Variants in CNBD1 observed in about 807,000 individuals in gnomAD.
The protein encoded by CNBD1 is cyclic nucleotide-binding domain-containing protein 1.
A neutral mutation model predicts 54.4 loss-of-function variants in CNBD1; 71 were observed. That is an observed-to-expected ratio of 1.30 (90% CI 1.08 to 1.59). CNBD1 has a LOEUF of 1.59. Ranked by LOEUF, CNBD1 falls within the 40% of genes most tolerant of loss-of-function variation. The pLI is 0.00. For synonymous variants in CNBD1, 182 were observed against 170.7 expected (o/e 1.07, Z -0.51); for missense variants, 659 against 518.0 (o/e 1.27, Z -2.64).
At chr8:87,093,287 T>A (rs1811254652) in intron 4 of CNBD1, among the ~76,000 whole-genome samples, 1 of 152,158 alleles carries the variant, frequency 6.6e-6, no homozygotes, top group Admixed American at 6.5e-5. Flanking sequence ...AGAATGGAAA[T>A]GCTGATGAAC....
intron 1 of CNBD1, among the ~76,000 whole-genome samples, chr8:86,877,750 A>T (rs1808545659): frequency 6.6e-6 from 1 of 152,092 alleles, no homozygotes; most frequent in Non-Finnish European, 1.5e-5. Flanking sequence ...TAAGAAAAGT[A>T]TTATTGCATT....
chr8:87,276,426 G>A (rs949145744), intron 6 of CNBD1, among the ~76,000 whole-genome samples: 5 of 151,904 alleles, frequency 3.3e-5, no homozygotes, highest in Non-Finnish European at 5.9e-5. Flanking sequence ...ATGAGAAAAG[G>A]CTTGGATGCC....
intron 4 of CNBD1, among the ~76,000 whole-genome samples, chr8:86,968,596 T>C (rs1808146881): frequency 1.3e-5 from 2 of 152,294 alleles, no homozygotes; most frequent in South Asian, 4.1e-4. Context: ...TTTGAAGGCC[T>C]CAGTATTCAA....
At chr8:87,132,547 T>C (rs1339145960) in intron 4 of CNBD1, among the ~76,000 whole-genome samples, 1 of 149,974 alleles carries the variant, frequency 6.7e-6, no homozygotes, top group Non-Finnish European at 1.5e-5. Context: ...CTTAAAACTG[T>C]GAATTATGTC....
At chr8:87,383,201 G>A (rs1296622754), downstream of CNBD1, among the ~76,000 whole-genome samples, 2 of 151,920 alleles carry the variant, frequency 1.3e-5, no homozygotes, top group African/African-American at 2.4e-5. Context: ...ATTATATTAT[G>A]GAGAATATCA....
chr8:86,914,309 A>G (rs968756504), intron 3 of CNBD1, among the ~76,000 whole-genome samples: 3 of 152,210 alleles, frequency 2.0e-5, no homozygotes, highest in Admixed American at 6.5e-5. Flanking sequence ...TTCTTCTGCC[A>G]TGGCTTCAGC....
chr8:87,340,131 C>T (rs946933652), intron 8 of CNBD1, among the ~76,000 whole-genome samples: 4 of 152,120 alleles, frequency 2.6e-5, no homozygotes, highest in South Asian at 2.1e-4. Context: ...TTTTCATTTT[C>T]GAAGGATAGT....
chr8:87,268,460 A>G (rs1021570815), intron 6 of CNBD1, among the ~76,000 whole-genome samples: 13 of 152,204 alleles, frequency 8.5e-5, no homozygotes, highest in Non-Finnish European at 1.8e-4. Flanking sequence ...TCCTTTGGGT[A>G]TATACCCAGT....
chr8:87,284,806 G>A lies in CNBD1; in HGVS notation c.900G>A (p.Lys300=). ...ILKIPAKGYA[K]IKEEKIKLEN... is the part of the protein sequence containing the mutation. ...AAATCCCAGCAAAGGGATATGCAAA[G>A]ATAAAGGAGGTAAGATGATATCTAA... Residue 300 remains lysine (K), a synonymous_variant, in exon 7 of 11, where the codon AAG becomes AAA. Transcript: ENST00000518476. The A allele has an allele frequency of 6.3e-7, 1 of 1,577,800 alleles. No homozygotes were observed. Among genetic ancestry groups the A allele is most frequent in the Non-Finnish European group, 8.6e-7 (1 of 1,161,720 alleles).
intron 4 of CNBD1, among the ~76,000 whole-genome samples, chr8:87,183,175 A>G (rs1395815759): frequency 2.0e-5 from 3 of 151,914 alleles, no homozygotes; most frequent in East Asian, 3.9e-4. Context: ...CCTACTGCTT[A>G]TTTTTGTTGA....
chr8:87,223,511 G>A (rs945131227), intron 5 of CNBD1, among the ~76,000 whole-genome samples: 4 of 151,012 alleles, frequency 2.6e-5, no homozygotes, highest in African/African-American at 7.3e-5. Flanking sequence ...TTGTTCTTGC[G>A]ATAGTTTACT....
rs1049868289 is a variant in CNBD1 at position 86,966,155 on chromosome 8, C to T, written c.431+26401C>T. ...GGTCTGCAGGACCAGCAGTCTGGCC[C>T]CCAGCCTTCGGGACCTCCTTGGCCT... On this transcript the variant is annotated intron_variant, in intron 4 of 10. Coordinates refer to ENST00000518476, the MANE Select transcript of CNBD1 (RefSeq NM_173538.3). Among the ~76,000 whole-genome samples, 9 of 152,276 alleles carry T rather than the reference C, an allele frequency of 5.9e-5. No individual in the cohort carries two copies. The South Asian group carries it at 1.2e-3, about 21-fold the overall frequency.
intron 3 of CNBD1, among the ~76,000 whole-genome samples, chr8:86,910,968 A>G (rs1208384477): frequency 2.0e-5 from 3 of 152,216 alleles, no homozygotes; most frequent in Admixed American, 2.0e-4. Context: ...CTATTTACAT[A>G]ACACGAAGAA....
At chr8:86,948,575 T>C (rs13259744) in intron 4 of CNBD1, among the ~76,000 whole-genome samples, 82,019 of 152,000 alleles carry the variant, frequency 0.54, 22,471 homozygotes, top group Admixed American at 0.6. Flanking sequence ...GAAACACCTA[T>C]TCATATCTTT....
At chr8:87,307,747 A>G (rs1269081405) in intron 8 of CNBD1, among the ~76,000 whole-genome samples, 1 of 59,646 alleles carries the variant, frequency 1.7e-5, no homozygotes, top group East Asian at 2.9e-4. Context: ...CAAAAAAAAA[A>G]TTATATATAT....
chr8:87,297,870 C>T (rs1049977906), intron 8 of CNBD1, among the ~76,000 whole-genome samples: 12 of 151,860 alleles, frequency 7.9e-5, no homozygotes, highest in African/African-American at 2.2e-4. Context: ...TAATGGGCCT[C>T]ATGAAGTGAT....
At chr8:87,319,327 A>G (rs925858808) in intron 8 of CNBD1, among the ~76,000 whole-genome samples, 2 of 152,146 alleles carry the variant, frequency 1.3e-5, no homozygotes. Context: ...ATAAAAGGCA[A>G]TGAGCCTCAT....
chr8:87,244,735 C>T (rs753008469), intron 6 of CNBD1, among the ~76,000 whole-genome samples: 48 of 151,864 alleles, frequency 3.2e-4, no homozygotes, highest in African/African-American at 4.4e-4. Flanking sequence ...TTCTCTAATG[C>T]GTAGTATAAG....
At chr8:87,344,823 A>G (rs971461884) in intron 8 of CNBD1, among the ~76,000 whole-genome samples, 5 of 152,154 alleles carry the variant, frequency 3.3e-5, no homozygotes, top group Admixed American at 2.0e-4. Flanking sequence ...CTCTGAAACA[A>G]TGCTGCTTAA....
Sources: gnomAD v4.1 joint callset for allele counts (sites outside exome capture counted in the v4.1 genomes callset) on GRCh38, gnomAD v4.1.1 for gene constraint, MANE v1.5 for transcripts, NCBI Gene and HGNC (gene_info 2026-07-23, HGNC 2026-07-21) for gene names.